The following CPNE4 variants were observed in gnomAD, a reference collection of about 807,000 sequenced individuals.
CPNE4 encodes copine-4.
CPNE4 carries 25 observed loss-of-function variants against 67.9 expected under a neutral mutation model. The ratio of observed to expected loss-of-function variants is 0.37; its 90% CI spans 0.27 to 0.51. CPNE4 has a LOEUF of 0.51. Among genes scored for constraint, CPNE4 ranks in the 20% least tolerant of loss-of-function variants. The pLI, the probability that CPNE4 is intolerant of heterozygous loss-of-function variation, is 0.93. For missense variants in CPNE4, 464 were observed against 690.8 expected (o/e 0.67, Z 3.68); for synonymous variants, 242 against 244.9 (o/e 0.99, Z 0.11).
chr3:131,883,893 C>A (rs542791940), intron 2 of CPNE4, among the ~76,000 whole-genome samples: 2 of 152,176 alleles, frequency 1.3e-5, no homozygotes, highest in Non-Finnish European at 2.9e-5. Flanking sequence ...TGGCCTTTGC[C>A]CTTTATTCTG....
intron 1 of CPNE4, among the ~76,000 whole-genome samples, chr3:131,906,557 C>A (rs1434506998): frequency 1.3e-5 from 2 of 151,884 alleles, no homozygotes; most frequent in Non-Finnish European, 2.9e-5. Flanking sequence ...CCAGCTTCAT[C>A]CATGTCCCTA....
intron 1 of CPNE4, among the ~76,000 whole-genome samples, chr3:132,019,564 A>G (rs148748055): frequency 5.0e-4 from 76 of 152,350 alleles, no homozygotes; most frequent in Admixed American, 1.2e-3. Context: ...TTACAATCAT[A>G]TAATTTGTCC....
At chr3:131,592,040 C>T (rs1938561207) in intron 7 of CPNE4, among the ~76,000 whole-genome samples, 1 of 152,180 alleles carries the variant, frequency 6.6e-6, no homozygotes, top group Non-Finnish European at 1.5e-5. Context: ...GACAGATAGT[C>T]TAATTAACCC....
chr3:131,859,954 CG>C (rs1236940942), intron 2 of CPNE4, among the ~76,000 whole-genome samples: 1 of 152,088 alleles, frequency 6.6e-6, no homozygotes, highest in Middle Eastern at 3.2e-3. Context: ...CAAATCCATC[CG>C]CAGAATGACT....
chr3:131,586,726 A>ATCTGTCTGTCTGTCTG (rs3039201), intron 8 of CPNE4, among the ~76,000 whole-genome samples: 4 of 129,600 alleles, frequency 3.1e-5, no homozygotes, highest in Non-Finnish European at 6.2e-5. Flanking sequence ...TTCTATCTCT[A>ATCTGTCTGTCTGTCTG]TCTGTCTGTC....
chr3:131,709,224 C>T (rs1287521833), intron 3 of CPNE4, among the ~76,000 whole-genome samples: 1 of 151,730 alleles, frequency 6.6e-6, no homozygotes, highest in Non-Finnish European at 1.5e-5. Context: ...TCTTTGCATA[C>T]AGAAAAACAA....
intron 2 of CPNE4, among the ~76,000 whole-genome samples, chr3:131,863,592 A>T (rs1350437595): frequency 6.6e-6 from 1 of 152,162 alleles, no homozygotes; most frequent in African/African-American, 2.4e-5. Context: ...TTCATTGTAG[A>T]TTCTGGATAT....
At chr3:131,892,341 C>T (rs1251644896) in intron 2 of CPNE4, among the ~76,000 whole-genome samples, 1 of 152,074 alleles carries the variant, frequency 6.6e-6, no homozygotes, top group Admixed American at 6.6e-5. Context: ...AAATGCTATT[C>T]TTCAGAAATG....
At chr3:131,739,385 T>C (rs1035873148) in intron 2 of CPNE4, among the ~76,000 whole-genome samples, 1 of 152,194 alleles carries the variant, frequency 6.6e-6, no homozygotes, top group Non-Finnish European at 1.5e-5. Flanking sequence ...AAGGCTCTCG[T>C]GTACATTTTC....
chr3:131,744,663 T>G (rs1016995498), intron 2 of CPNE4, among the ~76,000 whole-genome samples: 1 of 152,240 alleles, frequency 6.6e-6, no homozygotes, highest in South Asian at 2.1e-4. Context: ...AATTCAAGAA[T>G]GTTATTTAAA....
chr3:131,767,699 A>G (rs928823892), intron 2 of CPNE4, among the ~76,000 whole-genome samples: 12 of 152,136 alleles, frequency 7.9e-5, no homozygotes, highest in African/African-American at 2.9e-4. Context: ...GCTTACCATA[A>G]GGATAACTTT....
At chr3:132,034,093 G>C (rs2107707525) in intron 1 of CPNE4, among the ~76,000 whole-genome samples, 1 of 152,292 alleles carries the variant, frequency 6.6e-6, no homozygotes, top group African/African-American at 2.4e-5. Context: ...AGGAGGTTGA[G>C]AGGCTGAATC....
intron 2 of CPNE4, among the ~76,000 whole-genome samples, chr3:131,788,323 T>C (rs989904561): frequency 3.0e-4 from 45 of 152,070 alleles, no homozygotes; most frequent in African/African-American, 1.0e-3. Flanking sequence ...TTAATAAAAA[T>C]ACCCGAATGG....
chr3:131,926,069 T>C (rs1228239032), intron 1 of CPNE4, among the ~76,000 whole-genome samples: 5 of 152,048 alleles, frequency 3.3e-5, no homozygotes, highest in Non-Finnish European at 7.4e-5. Flanking sequence ...TAAAACAAAG[T>C]GTAATTTTTA....
chr3:131,784,082 G>A (rs548079731), intron 2 of CPNE4, among the ~76,000 whole-genome samples: 72 of 152,114 alleles, frequency 4.7e-4, no homozygotes, highest in Non-Finnish European at 6.8e-4. Flanking sequence ...GACATTTTAC[G>A]ACAAATAGTG....
At chr3:131,805,634 C>T (rs76548951) in intron 2 of CPNE4, among the ~76,000 whole-genome samples, 3,028 of 152,184 alleles carry the variant, frequency 0.02, 110 homozygotes, top group African/African-American at 0.069. Context: ...TGGGTGATGC[C>T]GGCTGTCAGC....
At chr3:131,759,109 T>A (rs2082827197) in intron 2 of CPNE4, among the ~76,000 whole-genome samples, 1 of 151,950 alleles carries the variant, frequency 6.6e-6, no homozygotes, top group Non-Finnish European at 1.5e-5. Flanking sequence ...TGCCAGAAAG[T>A]AGAAGAATCC....
At chr3:131,763,200 A>C (rs2107817651) in intron 2 of CPNE4, among the ~76,000 whole-genome samples, 1 of 152,222 alleles carries the variant, frequency 6.6e-6, no homozygotes, top group African/African-American at 2.4e-5. Flanking sequence ...AAATCGGACA[A>C]GTAATAAAGT....
At position 131,535,234 on chromosome 3, in the gene CPNE4, T is replaced by A; in HGVS notation, c.1635A>T (p.Ser545=). 6.2e-7 allele frequency: 1 copy of A among 1,613,844 alleles called. No homozygotes were observed. Among genetic ancestry groups the A allele is most frequent in the Non-Finnish European group, 8.5e-7 (1 of 1,179,990 alleles). ...TTCTGGAAGATTCATACATTTCTGA[T>A]GAACATTTTGGTTTAATTCCTTTGC... The part of the protein sequence containing the change: ...YNGKGIKPKC[S]SEMYESSRTL... Residue 545 remains serine (S), a synonymous_variant, in exon 16 of 16, where the codon TCA becomes TCT. Transcript: ENST00000429747.
Sources: gnomAD v4.1 joint callset for allele counts (sites outside exome capture counted in the v4.1 genomes callset) on GRCh38, gnomAD v4.1.1 for gene constraint, MANE v1.5 for transcripts, NCBI Gene and HGNC (gene_info 2026-07-23, HGNC 2026-07-21) for gene names.